NCAM1: variants seen among roughly 807,000 people sequenced by gnomAD.
NCAM1 encodes neural cell adhesion molecule 1.
Under a neutral mutation model 109.8 loss-of-function variants are expected in NCAM1, and 14 were observed. That is an observed-to-expected ratio of 0.13 (90% CI 0.08 to 0.20). The LOEUF (loss-of-function observed/expected upper bound fraction) is 0.20. Among genes scored for constraint, NCAM1 ranks in the 10% least tolerant of loss-of-function variants. NCAM1 has a pLI of 1.00. For synonymous variants in NCAM1, 418 were observed against 442.9 expected (o/e 0.94, Z 0.70); for missense variants, 774 against 1,109.9 (o/e 0.70, Z 4.30).
At position 113,202,434 on chromosome 11, in the gene NCAM1, C is replaced by T. The variant is rs1555112038; in HGVS notation, c.108C>T (p.Ser36=). ...PSQGEISVGE[S]KFFLCQVAGD... is the part of the protein sequence containing the mutation. ...AGGGGGAGATCAGCGTTGGAGAGTC[C>T]AAATTCTTCTTATGCCAAGGCAAGT... The change falls in exon 2 of 20, where the codon TCC becomes TCT. Residue 36 remains serine, a synonymous_variant. Transcript: ENST00000316851. 6.2e-7 allele frequency: 1 copy of T among 1,610,748 alleles called. No individual in the cohort carries two copies. Among genetic ancestry groups the T allele is most frequent in the African/African-American group, 1.3e-5 (1 of 74,550 alleles).
intron 1 of NCAM1, among the ~76,000 whole-genome samples, chr11:112,982,330 T>C (rs879959304): frequency 2.0e-5 from 3 of 151,950 alleles, no homozygotes; most frequent in African/African-American, 7.2e-5. Flanking sequence ...AAAAGGGTGC[T>C]AGCTGGCAAT....
intron 1 of NCAM1, among the ~76,000 whole-genome samples, chr11:113,013,729 A>G (rs782719279): frequency 3.2e-4 from 48 of 152,340 alleles, no homozygotes; most frequent in Non-Finnish European, 6.2e-4. Context: ...TGTGTGTTAT[A>G]TTAGCCAAGT....
At chr11:113,236,608 T>C (rs1354188105) in intron 14 of NCAM1, among the ~76,000 whole-genome samples, 3 of 152,174 alleles carry the variant, frequency 2.0e-5, no homozygotes, top group African/African-American at 7.2e-5. Context: ...AAGATGGTGT[T>C]TGCTGAGCCA....
intron 1 of NCAM1, among the ~76,000 whole-genome samples, chr11:113,192,159 G>A (rs4938001): frequency 0.063 from 9,615 of 152,236 alleles, 628 homozygotes; most frequent in African/African-American, 0.16. Flanking sequence ...GAACATCGAC[G>A]AGTCATTTTG....
intron 1 of NCAM1, among the ~76,000 whole-genome samples, chr11:113,060,903 A>ATG (rs1953892455): frequency 3.3e-5 from 5 of 151,944 alleles, no homozygotes; most frequent in African/African-American, 9.7e-5. Context: ...GGAAGAATAC[A>ATG]TAAAGAATGG....
chr11:113,242,812 G>T, intron 14 of NCAM1: 1 of 1,613,608 alleles, frequency 6.2e-7, no homozygotes, highest in Non-Finnish European at 8.5e-7. Context: ...TAGCAACTTG[G>T]CCTCTTCCTG....
chr11:113,109,857 T>G (rs1206587945), intron 1 of NCAM1, among the ~76,000 whole-genome samples: 1 of 152,200 alleles, frequency 6.6e-6, no homozygotes, highest in East Asian at 1.9e-4. Context: ...AGGCATCAGA[T>G]AGTGTGGACC....
At chr11:113,063,141 A>C (rs1555083690) in intron 1 of NCAM1, among the ~76,000 whole-genome samples, 6 of 152,164 alleles carry the variant, frequency 3.9e-5, no homozygotes, top group Admixed American at 3.3e-4. Context: ...TCTGGGTTTT[A>C]CTCTGAAGGT....
intron 14 of NCAM1, 91 bp downstream of exon 14, chr11:113,235,255 A>G: frequency 6.2e-7 from 1 of 1,608,500 alleles, no homozygotes; most frequent in Non-Finnish European, 8.5e-7. Flanking sequence ...GTCATTGTTC[A>G]GACCACAGCT....
chr11:113,250,167 G>A (rs1555120988), intron 15 of NCAM1, among the ~76,000 whole-genome samples: 1 of 152,144 alleles, frequency 6.6e-6, no homozygotes, highest in Non-Finnish European at 1.5e-5. Flanking sequence ...CAATGCCTAA[G>A]ACAAATTAAT....
In NCAM1 at chr11:112,962,451, T is replaced by A. The variant is rs1451106317; in HGVS notation, c.52+787T>A. 1.3e-5 allele frequency among the ~76,000 whole-genome samples: 2 copies of A among 151,610 alleles called. No homozygotes were observed. Among genetic ancestry groups the A allele is most frequent in the African/African-American group, 2.4e-5 (1 of 41,272 alleles). On this transcript the variant is annotated intron_variant, in intron 1 of 19. Transcript: ENST00000316851. This position sits in a 1 kb window ranked among gnomAD's most constrained non-coding sequence, Gnocchi z 5.6. ...GGGCTGCCTGGTGTGTGCGCGCGCG[T>A]GTGCGCGCGTGTGTCTTTACACGCG...
At chr11:112,974,945 A>C (rs1555067420) in intron 1 of NCAM1, among the ~76,000 whole-genome samples, 2 of 152,006 alleles carry the variant, frequency 1.3e-5, no homozygotes, top group Non-Finnish European at 2.9e-5. Flanking sequence ...TCTAATTGCT[A>C]AAGTCCAAAG....
rs148902519 is a variant in NCAM1, at chr11:113,277,058, G to A, written c.*1671G>A. 192 of 315,078 alleles carry A rather than the reference G, an allele frequency of 6.1e-4. No individual in the cohort carries two copies. Among genetic ancestry groups the A allele is most frequent in the Non-Finnish European group, 8.7e-4 (151 of 173,440 alleles). The allele number at this position is 315,078 out of a possible 1,614,324, so 19.5% of individuals were successfully genotyped here. ...TTCAGGAAACAAAAATCACTCAAAC[G>A]GAATCGAAGCCTTTTAACAAAGAAA... On this transcript the variant is annotated 3_prime_UTR_variant, in exon 20 of 20. Coordinates refer to ENST00000316851, the MANE Select transcript of NCAM1 (RefSeq NM_181351.5).
At chr11:113,107,476 A>T (rs1420184810) in intron 1 of NCAM1, among the ~76,000 whole-genome samples, 1 of 152,194 alleles carries the variant, frequency 6.6e-6, no homozygotes, top group South Asian at 2.1e-4. Context: ...TGATAAAGAC[A>T]TACCTGAGAC....
chr11:113,257,318 C>T (rs1555122517), intron 16 of NCAM1, among the ~76,000 whole-genome samples: 1 of 152,232 alleles, frequency 6.6e-6, no homozygotes, highest in Non-Finnish European at 1.5e-5. Context: ...ACAGACATGG[C>T]ATCCAATTCT....
intron 1 of NCAM1, among the ~76,000 whole-genome samples, chr11:113,004,396 G>A (rs1298323026): frequency 6.6e-6 from 1 of 152,108 alleles, no homozygotes; most frequent in Non-Finnish European, 1.5e-5. Flanking sequence ...GGGAGGCTGA[G>A]GCAGAGAATT....
rs545039454 is a variant in NCAM1 at position 113,113,767 on chromosome 11, T to A, written c.53-88612T>A. On this transcript the variant is annotated intron_variant, in intron 1 of 19. Coordinates refer to ENST00000316851, the MANE Select transcript of NCAM1 (RefSeq NM_181351.5). The stretch of plus-strand genomic sequence containing the variant: ...CTCTTTAGTTTAAGACAGGTTCTTT[T>A]AAAAAAAAAAAAATCTTGATGTGTC... Among the ~76,000 whole-genome samples, 85 of 150,540 alleles carry A rather than the reference T, an allele frequency of 5.6e-4. 1 individual carries two copies. In the Middle Eastern group the frequency reaches 0.01, roughly 18 times the overall value.
chr11:113,250,803 T>G (rs1192774780), intron 15 of NCAM1, among the ~76,000 whole-genome samples: 2 of 152,176 alleles, frequency 1.3e-5, no homozygotes, highest in East Asian at 3.9e-4. Context: ...CTTTTTGTTT[T>G]GTTTTGTTTC....
chr11:113,153,622 A>G (rs1311142641), intron 1 of NCAM1, among the ~76,000 whole-genome samples: 3 of 152,214 alleles, frequency 2.0e-5, no homozygotes, highest in Non-Finnish European at 4.4e-5. Context: ...TGTTAGAGAT[A>G]AACTTTCAGG....
Sources: allele counts gnomAD v4.1 joint callset (sites outside exome capture counted in the v4.1 genomes callset), GRCh38; gene constraint gnomAD v4.1.1; non-coding constraint Gnocchi (gnomAD v3.1); transcripts MANE v1.5; gene names NCBI Gene and HGNC (gene_info 2026-07-23, HGNC 2026-07-21).